The following MAP2K6 variants were observed in gnomAD, a reference collection of about 807,000 sequenced individuals.
The protein encoded by MAP2K6 is mitogen-activated protein kinase kinase 6.
Under a neutral mutation model 53.7 loss-of-function variants are expected in MAP2K6, and 16 were observed. The ratio of observed to expected loss-of-function variants is 0.30; its 90% confidence interval spans 0.20 to 0.45. The LOEUF is 0.45. MAP2K6 is among the 20% of genes least tolerant of loss of function. The pLI is 1.00. For synonymous variants in MAP2K6, 132 were observed against 143.1 expected, an observed-to-expected ratio of 0.92 and a Z score of 0.55; for missense variants, 204 against 411.9, an observed-to-expected ratio of 0.50 and a Z score of 4.37.
In MAP2K6 at chr17:69,523,702, A is replaced by C. The variant is rs1910611266; in HGVS notation, c.663+61A>C. Reference sequence around the variant, plus strand: ...CACTGCCGACAAATCATGCTGGGAAACAAGAAATGGATGGCCACAGAGGGA... The same window carrying C: ...CACTGCCGACAAATCATGCTGGGAACCAAGAAATGGATGGCCACAGAGGGA... On this transcript the variant is annotated intron_variant, in intron 8 of 11. Coordinates refer to ENST00000590474, the MANE Select transcript of MAP2K6 (RefSeq NM_002758.4). The C allele has an allele frequency of 2.5e-6, 4 of 1,593,606 alleles. No individual in the cohort carries two copies. The African/African-American group carries it at 5.4e-5, about 21-fold the overall frequency.
chr17:69,523,453 C>T (rs1910593007), intron 7 of MAP2K6, 61 bp from the exon 8 acceptor site: 9 of 1,597,704 alleles, frequency 5.6e-6, no homozygotes, highest in Admixed American at 5.0e-5. Flanking sequence ...CCTCTGGTGG[C>T]AGAGAAATGA....
chr17:69,456,036 T>A (rs1004192297), intron 1 of MAP2K6, among the ~76,000 whole-genome samples: 8 of 152,082 alleles, frequency 5.3e-5, no homozygotes, highest in African/African-American at 1.9e-4. Flanking sequence ...AATTTTTGTA[T>A]TTTTAATAGA....
intron 1 of MAP2K6, among the ~76,000 whole-genome samples, chr17:69,438,398 A>G (rs758310901): frequency 6.6e-5 from 10 of 152,172 alleles, no homozygotes; most frequent in African/African-American, 2.2e-4. Flanking sequence ...TTCACAAAAA[A>G]TTATATGGAA....
intron 1 of MAP2K6, among the ~76,000 whole-genome samples, chr17:69,427,695 C>G (rs1479119250): frequency 6.6e-6 from 1 of 152,134 alleles, no homozygotes; most frequent in African/African-American, 2.4e-5. Flanking sequence ...TTTGGCCTCA[C>G]TTTGCTGTGT....
Position 69,541,831 on chromosome 17 carries a change from T to C in MAP2K6, c.*78T>C, listed in dbSNP as rs550651847. On this transcript the variant is annotated 3_prime_UTR_variant, in exon 12 of 12. Coordinates refer to ENST00000590474, the MANE Select transcript of MAP2K6 (RefSeq NM_002758.4). Reference sequence around the variant, plus strand: ...TGAAGCAAGTTCACTACAGCATCAATAGAAAGTCATCTTTGAGATAATTTA... The same window carrying C: ...TGAAGCAAGTTCACTACAGCATCAACAGAAAGTCATCTTTGAGATAATTTA... 2 of 1,032,330 alleles carry C rather than the reference T, an allele frequency of 1.9e-6. No individual in the cohort carries two copies. The highest frequency in any genetic ancestry group is 1.4e-5 in the South Asian group (1 of 73,104). The allele number at this position is 1,032,330 out of a possible 1,614,324, so 63.9% of individuals were successfully genotyped here. A position where few individuals can be genotyped will look rare whatever the true frequency, so the allele number is the denominator to read the frequency against.
chr17:69,547,476 T>G lies in MAP2K6; in HGVS notation c.*5723T>G, dbSNP rs1288598808. ...TTACAAACCAAGCAATGGGCCAAAT[T>G]TGGCCCACAGGCCATGGTTTGCCAA... On this transcript the variant is annotated 3_prime_UTR_variant, in exon 12 of 12. Transcript: ENST00000590474. The G allele has an allele frequency of 6.6e-6, 1 of 152,276 alleles. No homozygotes were observed. Among genetic ancestry groups the G allele is most frequent in the Non-Finnish European group, 1.5e-5 (1 of 68,054 alleles). The allele number at this position is 152,276 out of a possible 1,614,324, so 9.4% of individuals were successfully genotyped here. A position where few individuals can be genotyped will look rare whatever the true frequency, so the allele number is the denominator to read the frequency against.
rs762518951 is a variant in MAP2K6, at chr17:69,485,158, A to T, written c.17-20622A>T. Reference sequence around the variant, plus strand: ...TCAGAGTGCAAAGGTAATGTCATGGACCAACTCTAAAATTAACAATTCAAA... The same window carrying T: ...TCAGAGTGCAAAGGTAATGTCATGGTCCAACTCTAAAATTAACAATTCAAA... On this transcript the variant is annotated intron_variant, in intron 1 of 11. Coordinates refer to ENST00000590474, the MANE Select transcript of MAP2K6 (RefSeq NM_002758.4). 3 of 152,288 alleles carry T rather than the reference A, an allele frequency of 2.0e-5. No individual in the cohort carries two copies. In the South Asian group the frequency reaches 6.2e-4, roughly 32 times the overall value. 9.4% of individuals were successfully genotyped at this position (152,288 alleles called of 1,614,324 possible).
chr17:69,496,706 G>A (rs1908968343), intron 1 of MAP2K6, among the ~76,000 whole-genome samples: 1 of 151,984 alleles, frequency 6.6e-6, no homozygotes, highest in Non-Finnish European at 1.5e-5. Context: ...GTCTGTCTCA[G>A]GCAACTTTCT....
intron 7 of MAP2K6, 156 bp downstream of exon 7, chr17:69,521,256 A>C: frequency 1.8e-6 from 1 of 560,532 alleles, no homozygotes; most frequent in South Asian, 2.6e-5. Context: ...AGCAAACCAT[A>C]TAAGTAGTAT....
At chr17:69,415,022 T>C (rs1437083464) in intron 1 of MAP2K6, 22 bp downstream of exon 1, 6 of 1,540,002 alleles carry the variant, frequency 3.9e-6, no homozygotes, top group Admixed American at 1.7e-5. Flanking sequence ...TTTGCATTAG[T>C]TGCAAAAATG....
chr17:69,491,779 AGACTGGTCTGAGATG>A (rs1908763850), intron 1 of MAP2K6, among the ~76,000 whole-genome samples: 1 of 149,440 alleles, frequency 6.7e-6, no homozygotes, highest in African/African-American at 2.5e-5. Flanking sequence ...ATAGACTTTC[AGACTGGTCTGAGATG>A]TTATTTCACC....
At chr17:69,498,990 G>A (rs1009561148) in intron 1 of MAP2K6, among the ~76,000 whole-genome samples, 9 of 152,228 alleles carry the variant, frequency 5.9e-5, no homozygotes, top group East Asian at 3.9e-4. Context: ...ATTAGACACC[G>A]TGTTAAGAGT....
At chr17:69,437,599 A>T (rs1351044176) in intron 1 of MAP2K6, among the ~76,000 whole-genome samples, 1 of 152,370 alleles carries the variant, frequency 6.6e-6, no homozygotes, top group South Asian at 2.1e-4. Flanking sequence ...AAAATTCACC[A>T]TTTTAATGAT....
chr17:69,459,459 C>T (rs976665815), intron 1 of MAP2K6, among the ~76,000 whole-genome samples: 4 of 151,910 alleles, frequency 2.6e-5, no homozygotes, highest in Non-Finnish European at 5.9e-5. Flanking sequence ...TGCCTATAAT[C>T]CCAGAACTTT....
chr17:69,427,280 T>G (rs959220880), intron 1 of MAP2K6, among the ~76,000 whole-genome samples: 1 of 152,172 alleles, frequency 6.6e-6, no homozygotes, highest in South Asian at 2.1e-4. Flanking sequence ...TCAAGTAAAA[T>G]AGTGTTCTGG....
At chr17:69,496,854 T>C (rs2145209201) in intron 1 of MAP2K6, among the ~76,000 whole-genome samples, 1 of 152,236 alleles carries the variant, frequency 6.6e-6, no homozygotes, top group African/African-American at 2.4e-5. Context: ...GAACTCATGA[T>C]CTGCCCTTTC....
chr17:69,467,759 ATTTCT>A (rs936528668), intron 1 of MAP2K6, among the ~76,000 whole-genome samples: 10 of 151,258 alleles, frequency 6.6e-5, no homozygotes, highest in African/African-American at 2.4e-4. Flanking sequence ...TGTTTGCTGG[ATTTCT>A]TTTCTTAGTT....
chr17:69,519,550 C>A, intron 5 of MAP2K6, 118 bp downstream of exon 5: 2 of 1,245,732 alleles, frequency 1.6e-6, no homozygotes, highest in Non-Finnish European at 2.3e-6. Context: ...ATCTTGTATA[C>A]GGGGGTTTAC....
chr17:69,524,821 C>T, intron 8 of MAP2K6, 80 bp from the exon 9 acceptor site: 1 of 1,049,626 alleles, frequency 9.5e-7, no homozygotes, highest in Non-Finnish European at 1.5e-6. Flanking sequence ...CTGGTGCTAC[C>T]CCCATCCCCA....
Sources: allele counts gnomAD v4.1 joint callset (sites outside exome capture counted in the v4.1 genomes callset), GRCh38; gene constraint gnomAD v4.1.1; transcripts MANE v1.5; gene names NCBI Gene and HGNC (gene_info 2026-07-23, HGNC 2026-07-21).